The following DCBLD2 variants were observed in gnomAD, a reference collection of about 807,000 sequenced individuals.
DCBLD2 encodes the protein discoidin, CUB and LCCL domain containing 2, also known as discoidin, CUB and LCCL domain-containing protein 2.
A neutral mutation model predicts 86.8 loss-of-function variants in DCBLD2; 54 were observed. The ratio of observed to expected loss-of-function variants is 0.62; its 90% CI spans 0.50 to 0.78. The LOEUF (loss-of-function observed/expected upper bound fraction) is 0.78, where lower values mean the gene tolerates loss of function less well. Among genes scored for constraint, DCBLD2 ranks in the 30% least tolerant of loss-of-function variants. DCBLD2 has a pLI of 0.00. For synonymous variants in DCBLD2, 354 were observed against 341.3 expected (o/e 1.04, Z -0.41); for missense variants, 908 against 954.2 (o/e 0.95, Z 0.64).
intron 1 of DCBLD2, among the ~76,000 whole-genome samples, chr3:98,886,146 A>G (rs1371687): frequency 0.32 from 47,982 of 151,704 alleles, 8,765 homozygotes; most frequent in East Asian, 0.69. Context: ...CAGTTATACT[A>G]AAGAGTTTTA....
intron 3 of DCBLD2, among the ~76,000 whole-genome samples, chr3:98,825,643 T>TATATATATATATATA (rs1942202476): frequency 3.7e-4 from 43 of 115,086 alleles, no homozygotes; most frequent in Non-Finnish European, 6.1e-4. Flanking sequence ...ATATGTGTAT[T>TATATATATATATATA]TATATATATA....
At chr3:98,886,803 C>A (rs1364477436) in intron 1 of DCBLD2, among the ~76,000 whole-genome samples, 3 of 134,898 alleles carry the variant, frequency 2.2e-5, no homozygotes, top group Non-Finnish European at 3.2e-5. Context: ...CAGGAAAACC[C>A]CCCCCCTTTT....
rs200825332 is a variant in DCBLD2, at chr3:98,806,117, AATTCAGGT to A, written c.1670+1956_1670+1963del. On this transcript the variant is annotated intron_variant, in intron 13 of 15. Coordinates refer to ENST00000326840, the MANE Select transcript of DCBLD2 (RefSeq NM_080927.4). The stretch of plus-strand genomic sequence containing the variant: ...GATTGTTTTGAGGATTAAATTAATT[AATTCAGGT>A]ATTTAGAATAATTTGCGTAGAGGTG... 7.1e-3 allele frequency among the ~76,000 whole-genome samples: 1,076 copies of A among 152,246 alleles called. 5 individuals carry two copies. The highest frequency in any genetic ancestry group is 0.014 in the Middle Eastern group (4 of 294).
intron 2 of DCBLD2, among the ~76,000 whole-genome samples, chr3:98,861,901 C>T (rs1400585003): frequency 1.3e-5 from 2 of 151,846 alleles, no homozygotes; most frequent in African/African-American, 4.8e-5. Flanking sequence ...GAGATAGGGA[C>T]ACAAAAAAAC....
chr3:98,899,751 T>C (rs369723804), intron 1 of DCBLD2, among the ~76,000 whole-genome samples: 1 of 152,298 alleles, frequency 6.6e-6, no homozygotes, highest in African/African-American at 2.4e-5. Context: ...TCAATGTCCT[T>C]ACGTTTGAAC....
Position 98,800,722 on chromosome 3 carries a change from T to C in DCBLD2, c.1721-6A>G, listed in dbSNP as rs1941703747. Reference sequence around the variant, plus strand: ...CTTCATTCCTTTCCACCAACCTTCATTGTGACGGCAAGCCAAAGAGACCAT... The same window carrying C: ...CTTCATTCCTTTCCACCAACCTTCACTGTGACGGCAAGCCAAAGAGACCAT... On this transcript the variant is annotated splice_region_variant and splice_polypyrimidine_tract_variant and intron_variant, in intron 14 of 15. Coordinates refer to ENST00000326840, the MANE Select transcript of DCBLD2 (RefSeq NM_080927.4). The C allele has an allele frequency of 1.9e-6, 3 of 1,613,798 alleles. No homozygotes were observed. The highest frequency in any genetic ancestry group is 1.1e-5 in the South Asian group (1 of 91,074).
At chr3:98,849,231 A>G (rs537120092) in intron 3 of DCBLD2, among the ~76,000 whole-genome samples, 1 of 152,170 alleles carries the variant, frequency 6.6e-6, no homozygotes, top group South Asian at 2.1e-4. Context: ...AAAAATCAGC[A>G]TTTCAGCAGT....
At chr3:98,901,078 C>T (rs567706546) in intron 1 of DCBLD2, 44 bp downstream of exon 1, 1 of 1,536,728 alleles carries the variant, frequency 6.5e-7, no homozygotes, top group African/African-American at 1.4e-5. Context: ...ACCCGCAGCC[C>T]CGACGGAGGT....
intron 1 of DCBLD2, among the ~76,000 whole-genome samples, chr3:98,898,798 T>C (rs1943795055): frequency 6.6e-6 from 1 of 152,192 alleles, no homozygotes; most frequent in Non-Finnish European, 1.5e-5. Context: ...AAAAATTTAA[T>C]TTTTAAAAAT....
chr3:98,848,945 G>A (rs1007688373), intron 3 of DCBLD2, among the ~76,000 whole-genome samples: 9 of 152,072 alleles, frequency 5.9e-5, no homozygotes, highest in African/African-American at 1.4e-4. Context: ...CGAGCCAGGC[G>A]GATCACCTGG....
At chr3:98,862,300 G>T (rs966912458) in intron 2 of DCBLD2, among the ~76,000 whole-genome samples, 2 of 152,190 alleles carry the variant, frequency 1.3e-5, no homozygotes, top group Admixed American at 6.5e-5. Context: ...ACAAGGAGGA[G>T]CTGGTACCAT....
intron 3 of DCBLD2, among the ~76,000 whole-genome samples, chr3:98,838,715 T>C (rs1272488324): frequency 6.6e-6 from 1 of 152,100 alleles, no homozygotes; most frequent in Non-Finnish European, 1.5e-5. Context: ...GTGTAGGTTG[T>C]AGCGAGCCAA....
intron 1 of DCBLD2, among the ~76,000 whole-genome samples, chr3:98,890,837 G>A (rs1167081421): frequency 1.3e-5 from 2 of 151,918 alleles, no homozygotes; most frequent in Non-Finnish European, 2.9e-5. Context: ...ATTCTATGTG[G>A]GCAATCTACT....
At chr3:98,807,002 T>C (rs1941851976) in intron 13 of DCBLD2, among the ~76,000 whole-genome samples, 2 of 152,156 alleles carry the variant, frequency 1.3e-5, no homozygotes, top group African/African-American at 4.8e-5. Context: ...CAATCTACCC[T>C]TCAAAACTGC....
intron 10 of DCBLD2, 45 bp from the exon 11 acceptor site, chr3:98,811,599 ATCATAATTAAAAATAGTAATGCTAAATG>A: frequency 6.7e-7 from 1 of 1,503,584 alleles, no homozygotes; most frequent in Non-Finnish European, 8.9e-7. Flanking sequence ...GTTTTTAAAA[ATCATAATTAAAAATAGTAATGCTAAATG>A]TCTTCAATAT....
At chr3:98,840,823 T>C (rs549734539) in intron 3 of DCBLD2, among the ~76,000 whole-genome samples, 14 of 152,230 alleles carry the variant, frequency 9.2e-5, no homozygotes, top group African/African-American at 1.4e-4. Context: ...AGCCTCTGCA[T>C]AGAATTTTAT....
chr3:98,849,753 C>T (rs1942799530), intron 2 of DCBLD2, among the ~76,000 whole-genome samples, 155 bp from the exon 3 acceptor site: 2 of 152,006 alleles, frequency 1.3e-5, no homozygotes, highest in Non-Finnish European at 1.5e-5. Flanking sequence ...AATCATATTG[C>T]TCTGGAGGAA....
At chr3:98,872,223 G>A (rs1036874469) in intron 2 of DCBLD2, among the ~76,000 whole-genome samples, 6 of 152,144 alleles carry the variant, frequency 3.9e-5, no homozygotes, top group African/African-American at 1.4e-4. Flanking sequence ...TTGGAAAGTG[G>A]GGCCTAATGG....
intron 2 of DCBLD2, among the ~76,000 whole-genome samples, chr3:98,876,412 TAAAAAAAAAAAAAAAAAAA>T (rs60681986): frequency 2.1e-5 from 1 of 47,534 alleles, no homozygotes; most frequent in African/African-American, 1.1e-4. Context: ...AGATAAAAAG[TAAAAAAAAAAAAAAAAAAA>T]AAAAAAAAAA....
Sources: allele counts gnomAD v4.1 joint callset (sites outside exome capture counted in the v4.1 genomes callset), GRCh38; gene constraint gnomAD v4.1.1; transcripts MANE v1.5; gene names NCBI Gene and HGNC (gene_info 2026-07-23, HGNC 2026-07-21).